Variants in LRFN5 observed in about 807,000 individuals in gnomAD.
LRFN5 encodes the protein leucine-rich repeat and fibronectin type-III domain-containing protein 5.
A neutral mutation model predicts 45.6 loss-of-function variants in LRFN5; 24 were observed. The observed-to-expected ratio is 0.53, with a 90% CI of 0.38 to 0.74. LRFN5 has a LOEUF of 0.74. Among genes scored for constraint, LRFN5 ranks in the 30% least tolerant of loss-of-function variants. The pLI, the probability that LRFN5 is intolerant of heterozygous loss-of-function variation, is 0.00. For synonymous variants in LRFN5, 340 were observed against 313.8 expected (o/e 1.08, Z -0.88); for missense variants, 776 against 861.5 (o/e 0.90, Z 1.24).
chr14:41,769,107 G>A (rs557132165), intron 2 of LRFN5, among the ~76,000 whole-genome samples: 75 of 150,836 alleles, frequency 5.0e-4, no homozygotes, highest in African/African-American at 1.7e-3. Context: ...AAGTAAACAC[G>A]TTCCTAATTA....
At chr14:41,904,118 T>C (rs760410618) in intron 5 of LRFN5, 40 bp from the exon 6 acceptor site, 1 of 1,509,472 alleles carries the variant, frequency 6.6e-7, no homozygotes, top group East Asian at 2.3e-5. Context: ...TCTTTCTTCC[T>C]TTCTTTCTTT....
At chr14:41,810,789 C>G (rs1261039725) in intron 2 of LRFN5, among the ~76,000 whole-genome samples, 1 of 152,014 alleles carries the variant, frequency 6.6e-6, no homozygotes, top group Non-Finnish European at 1.5e-5. Context: ...CCCAAACAAC[C>G]TGCCAACCTT....
intron 1 of LRFN5, among the ~76,000 whole-genome samples, chr14:41,734,687 C>G (rs1884349181): frequency 6.6e-6 from 1 of 151,660 alleles, no homozygotes; most frequent in African/African-American, 2.4e-5. Flanking sequence ...TGGGTAAGAA[C>G]TTATGCCATT....
chr14:41,738,175 C>A (rs879548759), intron 1 of LRFN5, among the ~76,000 whole-genome samples: 7 of 152,094 alleles, frequency 4.6e-5, no homozygotes, highest in African/African-American at 7.2e-5. Flanking sequence ...AAAACAGAAG[C>A]CTCGGAAATG....
chr14:41,706,080 A>G (rs537538180), intron 1 of LRFN5, among the ~76,000 whole-genome samples: 15 of 152,146 alleles, frequency 9.9e-5, no homozygotes, highest in Non-Finnish European at 1.6e-4. Context: ...CAAACATGCT[A>G]CAACAAAGTT....
rs1887722396 is a variant in LRFN5 at position 41,811,146 on chromosome 14, A to T, written c.-21+44117A>T. 2.0e-5 allele frequency among the ~76,000 whole-genome samples: 3 copies of T among 152,114 alleles called. No homozygotes were observed. The South Asian group carries it at 6.2e-4, about 31-fold the overall frequency. ...ACATTTCTCCAAAGAAGGTATAAAAATAGTCAATAAGCATATGAAATGGCA... is the reference window on the plus strand; with the variant it reads ...ACATTTCTCCAAAGAAGGTATAAAATTAGTCAATAAGCATATGAAATGGCA... On this transcript the variant is annotated intron_variant, in intron 2 of 5. Coordinates refer to ENST00000298119, the MANE Select transcript of LRFN5 (RefSeq NM_152447.5).
At chr14:41,876,497 C>T (rs1453218308) in intron 2 of LRFN5, among the ~76,000 whole-genome samples, 2 of 150,394 alleles carry the variant, frequency 1.3e-5, no homozygotes, top group Non-Finnish European at 3.0e-5. Flanking sequence ...GGGGTTTCTC[C>T]GTGTTAGCCA....
At chr14:41,661,103 AC>A (rs1455292327) in intron 1 of LRFN5, among the ~76,000 whole-genome samples, 1 of 151,380 alleles carries the variant, frequency 6.6e-6, no homozygotes, top group Non-Finnish European at 1.5e-5. Context: ...AGTTCTTTCA[AC>A]TTACCAACAC....
chr14:41,726,673 C>T (rs1445764766), intron 1 of LRFN5, among the ~76,000 whole-genome samples: 2 of 151,998 alleles, frequency 1.3e-5, no homozygotes, highest in East Asian at 1.9e-4. Flanking sequence ...AGAAATCTAT[C>T]ACTCTGAAAC....
At chr14:41,817,903 G>A (rs989046911) in intron 2 of LRFN5, among the ~76,000 whole-genome samples, 1 of 152,182 alleles carries the variant, frequency 6.6e-6, no homozygotes, top group African/African-American at 2.4e-5. Flanking sequence ...TTCCTTCTGA[G>A]GTTTGTGGGC....
At chr14:41,629,423 G>A (rs1471436204) in intron 1 of LRFN5, among the ~76,000 whole-genome samples, 1 of 152,006 alleles carries the variant, frequency 6.6e-6, no homozygotes, top group African/African-American at 2.4e-5. Context: ...GCATAGTTTT[G>A]CTTTATTTCA....
chr14:41,795,683 A>G (rs1887098025), intron 2 of LRFN5, among the ~76,000 whole-genome samples: 1 of 151,984 alleles, frequency 6.6e-6, no homozygotes, highest in Admixed American at 6.6e-5. Context: ...AGGACAGAAA[A>G]CCAAACACCA....
intron 1 of LRFN5, among the ~76,000 whole-genome samples, chr14:41,622,732 C>A (rs2043823060): frequency 6.6e-6 from 1 of 151,930 alleles, no homozygotes; most frequent in Admixed American, 6.6e-5. Flanking sequence ...TAGGTAACTT[C>A]TTTTTCTTTT....
At chr14:41,896,454 C>T (rs965323866) in intron 4 of LRFN5, among the ~76,000 whole-genome samples, 2 of 152,120 alleles carry the variant, frequency 1.3e-5, no homozygotes, top group African/African-American at 4.8e-5. Context: ...GAGGAAAGGA[C>T]TTCTGCACAG....
intron 1 of LRFN5, among the ~76,000 whole-genome samples, chr14:41,639,090 C>T (rs374505695): frequency 2.0e-5 from 3 of 151,920 alleles, no homozygotes; most frequent in Non-Finnish European, 2.9e-5. Flanking sequence ...AGTCTTATGA[C>T]TCCTAGTATT....
At chr14:41,788,016 A>C (rs2138936464) in intron 2 of LRFN5, among the ~76,000 whole-genome samples, 1 of 152,220 alleles carries the variant, frequency 6.6e-6, no homozygotes, top group South Asian at 2.1e-4. Flanking sequence ...GTGAGAAGGC[A>C]GCTGTCTGAA....
At chr14:41,681,051 G>T (rs952589924) in intron 1 of LRFN5, among the ~76,000 whole-genome samples, 1 of 151,842 alleles carries the variant, frequency 6.6e-6, no homozygotes, top group African/African-American at 2.4e-5. Context: ...TTGAATACAG[G>T]CTATTTGAAA....
intron 1 of LRFN5, among the ~76,000 whole-genome samples, chr14:41,620,937 G>C (rs529007858): frequency 2.0e-5 from 3 of 151,254 alleles, no homozygotes; most frequent in Non-Finnish European, 3.0e-5. Context: ...GTGTATTCAG[G>C]AGGTGTTGGT....
chr14:41,886,716 C>T lies in LRFN5; in HGVS notation c.91C>T (p.Pro31Ser). 1 of 1,614,136 alleles carries T rather than the reference C, an allele frequency of 6.2e-7. No homozygotes were observed. Among genetic ancestry groups the T allele is most frequent in the Non-Finnish European group, 8.5e-7 (1 of 1,180,024 alleles). Residue 31 changes from proline to serine, a missense_variant, in exon 3 of 6, where the codon CCT becomes TCT. By Grantham distance (74) the Pro-to-Ser change is moderately conservative. This residue lies in a region of LRFN5 where 311 missense variants were observed against 405.1 expected (regional missense o/e 0.77). Coordinates refer to ENST00000298119, the MANE Select transcript of LRFN5 (RefSeq NM_152447.5). ...PKRCVCQILS[P>S]NLATLCAKKG... ...GCGTTGTGTCTGTCAGATTTTGTCT[C>T]CTAATCTTGCAACCCTTTGTGCCAA...
Sources: gnomAD v4.1 joint callset for allele counts (sites outside exome capture counted in the v4.1 genomes callset) on GRCh38, gnomAD v4.1.1 for gene constraint, gnomAD v4.1.1 regional missense constraint, MANE v1.5 for transcripts, NCBI Gene and HGNC (gene_info 2026-07-23, HGNC 2026-07-21) for gene names.